TIAM2: variants seen among roughly 807,000 people sequenced by gnomAD.
The protein encoded by TIAM2 is TIAM Rac1 associated GEF 2, also known as rho guanine nucleotide exchange factor TIAM2.
Under a neutral mutation model 152.9 loss-of-function variants are expected in TIAM2, and 80 were observed. The ratio of observed to expected loss-of-function variants is 0.52; its 90% CI spans 0.44 to 0.63. The LOEUF is 0.63. Ranked by LOEUF, TIAM2 falls within the 30% of genes least tolerant of loss-of-function variation. The pLI is 0.00. For missense variants in TIAM2, 1,965 were observed against 2,120.1 expected, an observed-to-expected ratio of 0.93 and a Z score of 1.44; for synonymous variants, 804 against 838.0, an observed-to-expected ratio of 0.96 and a Z score of 0.70.
At chr6:155,180,809 A>G (rs781319703) in intron 12 of TIAM2, among the ~76,000 whole-genome samples, 1 of 151,986 alleles carries the variant, frequency 6.6e-6, no homozygotes, top group South Asian at 2.1e-4. Flanking sequence ...GGGTTTCACC[A>G]TGTTGGCCAG....
At chr6:155,044,544 C>T (rs1156859333) in intron 1 of TIAM2, among the ~76,000 whole-genome samples, 2 of 152,138 alleles carry the variant, frequency 1.3e-5, no homozygotes, top group Admixed American at 6.6e-5. Context: ...TGGCCAGGTG[C>T]AGTGGCTTAC....
chr6:155,068,411 C>A (rs1369760906), intron 1 of TIAM2, among the ~76,000 whole-genome samples: 1 of 152,118 alleles, frequency 6.6e-6, no homozygotes, highest in African/African-American at 2.4e-5. Context: ...AATTGTGCTT[C>A]CTCTTCAGGA....
At chr6:155,118,382 A>G (rs5029120) in intron 2 of TIAM2, among the ~76,000 whole-genome samples, 64,792 of 150,018 alleles carry the variant, frequency 0.43, 15,767 homozygotes, top group East Asian at 0.67. Context: ...GTTCCCTGGA[A>G]TTCCTTTCTT....
At chr6:155,164,706 A>T in intron 8 of TIAM2, 106 bp downstream of exon 8, 1 of 1,376,786 alleles carries the variant, frequency 7.3e-7, no homozygotes, top group Non-Finnish European at 9.9e-7. Flanking sequence ...TGACCCAACA[A>T]CTGACACCTA....
At chr6:155,143,284 T>A (rs570641953) in intron 5 of TIAM2, among the ~76,000 whole-genome samples, 13 of 152,348 alleles carry the variant, frequency 8.5e-5, no homozygotes, top group Non-Finnish European at 1.5e-4. Flanking sequence ...AAATTGTGTC[T>A]AATAATTATA....
chr6:155,128,683 A>G (rs1779356785), intron 3 of TIAM2, among the ~76,000 whole-genome samples: 1 of 145,166 alleles, frequency 6.9e-6, no homozygotes, highest in African/African-American at 2.7e-5. Context: ...CAACAGAGTG[A>G]GACCCCATAT....
At chr6:155,159,920 G>A (rs1351957887) in intron 7 of TIAM2, among the ~76,000 whole-genome samples, 1 of 152,174 alleles carries the variant, frequency 6.6e-6, no homozygotes, top group African/African-American at 2.4e-5. Flanking sequence ...CTGCCACAAA[G>A]ATCTATAGGG....
chr6:155,075,372 C>G (rs1777932649), intron 1 of TIAM2, among the ~76,000 whole-genome samples: 1 of 151,556 alleles, frequency 6.6e-6, no homozygotes, highest in Non-Finnish European at 1.5e-5. Flanking sequence ...ACCCAACAAC[C>G]AACTCTTCAA....
intron 1 of TIAM2, among the ~76,000 whole-genome samples, chr6:155,038,506 G>A (rs1216315735): frequency 6.6e-6 from 1 of 152,234 alleles, no homozygotes. Context: ...CTGTGTGCGT[G>A]CTCCCTTTGC....
chr6:155,248,206 G>A (rs770804571), intron 20 of TIAM2, 27 bp downstream of exon 20: 19 of 1,606,636 alleles, frequency 1.2e-5, no homozygotes, highest in Non-Finnish European at 1.4e-5. Context: ...ACCTCCGGGC[G>A]AGGGCCTGCA....
chr6:155,105,252 C>A (rs565724596), intron 2 of TIAM2, among the ~76,000 whole-genome samples: 1 of 152,228 alleles, frequency 6.6e-6, no homozygotes, highest in East Asian at 1.9e-4. Flanking sequence ...CTCTGCCTCC[C>A]GAGTTCTCCC....
chr6:155,230,945 C>G (rs1200936403), intron 15 of TIAM2, among the ~76,000 whole-genome samples: 1 of 151,798 alleles, frequency 6.6e-6, no homozygotes, highest in Non-Finnish European at 1.5e-5. Flanking sequence ...GCAGTCCTCC[C>G]AACTCAGGTC....
chr6:155,016,764 G>A (rs1156936013), intron 1 of TIAM2, among the ~76,000 whole-genome samples: 1 of 138,888 alleles, frequency 7.2e-6, no homozygotes, highest in African/African-American at 3.1e-5. Context: ...GCCAGGTGTG[G>A]TGATGTGTGC....
intron 15 of TIAM2, among the ~76,000 whole-genome samples, chr6:155,239,886 C>G (rs945375418): frequency 6.6e-6 from 1 of 151,918 alleles, no homozygotes; most frequent in African/African-American, 2.4e-5. Flanking sequence ...GGCTCTGCAC[C>G]CCTTTAGGGT....
At chr6:155,165,649 G>A (rs1040535513) in intron 9 of TIAM2, among the ~76,000 whole-genome samples, 3 of 152,116 alleles carry the variant, frequency 2.0e-5, no homozygotes, top group African/African-American at 7.2e-5. Context: ...ATAGCCGAGT[G>A]TGGTGGTGTG....
intron 1 of TIAM2, among the ~76,000 whole-genome samples, chr6:155,080,598 C>T (rs567342786): frequency 4.6e-5 from 7 of 152,060 alleles, no homozygotes; most frequent in African/African-American, 1.4e-4. Flanking sequence ...CGCCACCATG[C>T]CCAGCTAATT....
At chr6:155,062,274 C>T (rs1021294966) in intron 1 of TIAM2, among the ~76,000 whole-genome samples, 1 of 152,248 alleles carries the variant, frequency 6.6e-6, no homozygotes, top group East Asian at 1.9e-4. Context: ...TTTTTGGCAA[C>T]TATGAATAAA....
intron 2 of TIAM2, among the ~76,000 whole-genome samples, chr6:155,096,857 A>G (rs1438401730): frequency 6.6e-6 from 1 of 152,122 alleles, no homozygotes; most frequent in East Asian, 1.9e-4. Flanking sequence ...TTTCTTTTGG[A>G]TCTATACCCA....
chr6:155,126,904 C>A (rs1160776092), intron 2 of TIAM2, among the ~76,000 whole-genome samples: 1 of 151,964 alleles, frequency 6.6e-6, no homozygotes, highest in Non-Finnish European at 1.5e-5. Flanking sequence ...GTGAGCACGG[C>A]CAGAGGGGAG....
Sources: allele counts gnomAD v4.1 joint callset (sites outside exome capture counted in the v4.1 genomes callset), GRCh38; gene constraint gnomAD v4.1.1; transcripts MANE v1.5; gene names NCBI Gene and HGNC (gene_info 2026-07-23, HGNC 2026-07-21).